Variants in HEATR5A observed in about 807,000 individuals in gnomAD.
The protein encoded by HEATR5A is HEAT repeat containing 5A.
A neutral mutation model predicts 218.8 loss-of-function variants in HEATR5A; 178 were observed. The observed-to-expected ratio is 0.81, with a 90% confidence interval of 0.72 to 0.92. The LOEUF (loss-of-function observed/expected upper bound fraction) is 0.92. HEATR5A is among the 40% of genes least tolerant of loss of function. The pLI, the probability that HEATR5A is intolerant of heterozygous loss-of-function variation, is 0.00. For missense variants in HEATR5A, 2,420 were observed against 2,418.9 expected, an observed-to-expected ratio of 1.00 and a Z score of -0.01; for synonymous variants, 864 against 871.6, an observed-to-expected ratio of 0.99 and a Z score of 0.15.
chr14:31,417,264 C>A (rs1318648373), intron 1 of HEATR5A, among the ~76,000 whole-genome samples: 3 of 151,904 alleles, frequency 2.0e-5, no homozygotes, highest in Non-Finnish European at 4.4e-5. Flanking sequence ...CCTAGACTTA[C>A]AAAAGGCTAG....
intron 29 of HEATR5A, 55 bp from the exon 30 acceptor site, chr14:31,308,075 A>G: frequency 6.9e-7 from 1 of 1,459,708 alleles, no homozygotes; most frequent in Non-Finnish European, 9.2e-7. Flanking sequence ...AGTTTATGAA[A>G]TTAAGTAATT....
In HEATR5A at chr14:31,313,117, C is replaced by CATGTGGTTTAGAA; in HGVS notation, c.4291_4292insTTCTAAACCACAT (p.Gly1431ValfsTer18). 3 of 1,613,868 alleles carry CATGTGGTTTAGAA rather than the reference C, an allele frequency of 1.9e-6. No homozygotes were observed. The highest frequency in any genetic ancestry group is 2.5e-6 in the Non-Finnish European group (3 of 1,179,810). On this transcript the variant is annotated frameshift_variant, in exon 28 of 36. Coordinates refer to ENST00000543095, the MANE Select transcript of HEATR5A (RefSeq NM_015473.4). LOFTEE classifies it high-confidence loss of function. Reference sequence around the variant, plus strand: ...TGATGAACATGATCCATTTCTGATACCGTCTTCTAAACAGGTGGTAGTCTT... The same window carrying CATGTGGTTTAGAA: ...TGATGAACATGATCCATTTCTGATACATGTGGTTTAGAACGTCTTCTAAACAGGTGGTAGTCTT...
At chr14:31,417,663 T>C (rs986760829) in intron 1 of HEATR5A, among the ~76,000 whole-genome samples, 4 of 151,022 alleles carry the variant, frequency 2.6e-5, no homozygotes, top group African/African-American at 9.8e-5. Flanking sequence ...GGCAGGAGAA[T>C]CGCTTGAACC....
intron 8 of HEATR5A, 145 bp from the exon 9 acceptor site, chr14:31,386,720 T>A: frequency 1.5e-6 from 1 of 662,700 alleles, no homozygotes; most frequent in Non-Finnish European, 2.5e-6. Flanking sequence ...CTAAAATGCT[T>A]AAATGGGGAC....
chr14:31,323,008 T>C (rs1262319856), intron 24 of HEATR5A, among the ~76,000 whole-genome samples: 2 of 152,144 alleles, frequency 1.3e-5, no homozygotes, highest in African/African-American at 4.8e-5. Flanking sequence ...GCTCAAATGT[T>C]TTTTAGTTAA....
At chr14:31,367,398 T>C (rs1901840973) in intron 13 of HEATR5A, among the ~76,000 whole-genome samples, 1 of 151,630 alleles carries the variant, frequency 6.6e-6, no homozygotes, top group African/African-American at 2.4e-5. Flanking sequence ...AAATTTATCT[T>C]ATTTATTTAT....
At chr14:31,336,261 T>A (rs1170896035) in intron 22 of HEATR5A, among the ~76,000 whole-genome samples, 1 of 118,272 alleles carries the variant, frequency 8.5e-6, no homozygotes. Context: ...TATATATATA[T>A]ATAATTTTTA....
chr14:31,394,225 CACT>C lies in HEATR5A; in HGVS notation c.598-2_598del. 6.8e-7 allele frequency: 1 copy of C among 1,470,168 alleles called. No individual in the cohort carries two copies. The highest frequency in any genetic ancestry group is 2.6e-5 in the East Asian group (1 of 38,978). The allele number at this position is 1,470,168 out of a possible 1,614,324, so 91.1% of individuals were successfully genotyped here. On this transcript the variant is annotated splice_acceptor_variant and coding_sequence_variant, in exon 6 of 36. Transcript: ENST00000543095. LOFTEE classifies it high-confidence loss of function. ...GGCTTCATTCTGAAGTTCAAGGAGA[CACT>C]ATTCAATTGGACAAAGAGAAATTAA...
chr14:31,378,614 C>T (rs1290219889), intron 11 of HEATR5A, among the ~76,000 whole-genome samples: 3 of 152,042 alleles, frequency 2.0e-5, no homozygotes, highest in South Asian at 2.1e-4. Flanking sequence ...GGTGAAACCC[C>T]GTCTCTACTA....
chr14:31,375,038 G>C, intron 11 of HEATR5A, 70 bp from the exon 12 acceptor site: 2 of 1,244,278 alleles, frequency 1.6e-6, no homozygotes, highest in Non-Finnish European at 1.1e-6. Flanking sequence ...CTATTATTAA[G>C]CAGCAACTTC....
intron 10 of HEATR5A, 48 bp from the exon 11 acceptor site, chr14:31,380,626 A>T: frequency 3.4e-6 from 4 of 1,169,218 alleles, no homozygotes; most frequent in Non-Finnish European, 4.9e-6. Flanking sequence ...CAGTTTATAA[A>T]TTACTAAATG....
At chr14:31,355,499 G>A (rs1184465832) in intron 16 of HEATR5A, among the ~76,000 whole-genome samples, 1 of 152,104 alleles carries the variant, frequency 6.6e-6, no homozygotes, top group African/African-American at 2.4e-5. Context: ...TTGGGAGGCC[G>A]AGGAGGGCGG....
At chr14:31,316,650 G>A (rs1899922121) in intron 26 of HEATR5A, among the ~76,000 whole-genome samples, 1 of 152,160 alleles carries the variant, frequency 6.6e-6, no homozygotes, top group Non-Finnish European at 1.5e-5. Flanking sequence ...ATTCTACAAT[G>A]CAAAACATTT....
chr14:31,413,388 T>C (rs1426388493), intron 1 of HEATR5A, among the ~76,000 whole-genome samples: 2 of 150,890 alleles, frequency 1.3e-5, no homozygotes, highest in Non-Finnish European at 3.0e-5. Context: ...CTGCCTTCTT[T>C]TTTTTTTTTT....
At chr14:31,309,209 A>G (rs1284206150) in intron 28 of HEATR5A, 27 bp from the exon 29 acceptor site, 23 of 1,601,948 alleles carry the variant, frequency 1.4e-5, no homozygotes, top group Non-Finnish European at 1.9e-5. Context: ...CAGGAAAAAT[A>G]AGAGATTAAC....
Position 31,308,024 on chromosome 14 carries a change from T to A in HEATR5A, c.4691-4A>T. ...CATAGAAATTCCACGCTGATTCCTG[T>A]GGAAAGCAAAAAAAGAGGAGGAGGC... On this transcript the variant is annotated splice_region_variant and splice_polypyrimidine_tract_variant and intron_variant, in intron 29 of 35. Coordinates refer to ENST00000543095, the MANE Select transcript of HEATR5A (RefSeq NM_015473.4). 1.3e-6 allele frequency: 2 copies of A among 1,592,512 alleles called. No individual in the cohort carries two copies. The highest frequency in any genetic ancestry group is 1.9e-5 in the Admixed American group (1 of 53,650).
At chr14:31,384,208 C>T (rs1245852412) in intron 9 of HEATR5A, among the ~76,000 whole-genome samples, 1 of 152,046 alleles carries the variant, frequency 6.6e-6, no homozygotes, top group African/African-American at 2.4e-5. Flanking sequence ...TTTGGGAGGC[C>T]AAGGCAGGCA....
chr14:31,326,574 T>C (rs1299211885), intron 22 of HEATR5A, among the ~76,000 whole-genome samples: 1 of 152,250 alleles, frequency 6.6e-6, no homozygotes, highest in Non-Finnish European at 1.5e-5. Context: ...AGTATTCATA[T>C]GTTATTATTA....
At position 31,293,294 on chromosome 14, in the gene HEATR5A, CAA is replaced by C; in HGVS notation, c.*9_*10del. 3 of 1,322,032 alleles carry C rather than the reference CAA, an allele frequency of 2.3e-6. No individual in the cohort carries two copies. The highest frequency in any genetic ancestry group is 3.1e-6 in the Non-Finnish European group (3 of 977,480). The allele number at this position is 1,322,032 out of a possible 1,614,324, so 81.9% of individuals were successfully genotyped here. The stretch of plus-strand genomic sequence containing the variant: ...TATTATATTAAGGTGCTTACTATTC[CAA>C]AAAAAAAATCAGAGGAAACTGGTCT... On this transcript the variant is annotated 3_prime_UTR_variant, in exon 36 of 36. Coordinates refer to ENST00000543095, the MANE Select transcript of HEATR5A (RefSeq NM_015473.4).
Sources: allele counts gnomAD v4.1 joint callset (sites outside exome capture counted in the v4.1 genomes callset), GRCh38; gene constraint gnomAD v4.1.1; transcripts MANE v1.5; gene names NCBI Gene and HGNC (gene_info 2026-07-23, HGNC 2026-07-21).